The following IL1A variants were observed in gnomAD, a reference collection of about 807,000 sequenced individuals.
IL1A encodes the protein interleukin 1 alpha, also known as interleukin-1 alpha.
IL1A carries 16 observed loss-of-function variants against 22.2 expected under a neutral mutation model. That is an observed-to-expected ratio of 0.72 (90% CI 0.49 to 1.09). The LOEUF (loss-of-function observed/expected upper bound fraction) is 1.09. Among genes scored for constraint, IL1A ranks in the 50% least tolerant of loss-of-function variants. IL1A has a pLI of 0.00. For missense variants in IL1A, 317 were observed against 321.8 expected, an observed-to-expected ratio of 0.99 and a Z score of 0.11; for synonymous variants, 113 against 118.5, an observed-to-expected ratio of 0.95 and a Z score of 0.30.
Position 112,778,006 on chromosome 2 carries a change from T to C in IL1A, c.596A>G (p.Asp199Gly), listed in dbSNP as rs757413314. 3 of 1,614,176 alleles carry C rather than the reference T, an allele frequency of 1.9e-6. No individual in the cohort carries two copies. The highest frequency in any genetic ancestry group is 1.3e-5 in the African/African-American group (1 of 75,042). Residue 199 changes from aspartate (D) to glycine (G), a missense_variant, in exon 6 of 7, where the codon GAC (aspartate) becomes GGC (glycine). Asp to Gly is a moderately conservative substitution (Grantham distance 94, BLOSUM62 -1). Transcript: ENST00000263339. Reference protein sequence around the residue: ...TQLYVTAQDEDQPVLLKEMPE... With the variant: ...TQLYVTAQDEGQPVLLKEMPE... ...ACTGACCTTCAGCAGCACTGGTTGGTCTTCATCTTGGGCAGTCACATACAA... is the reference window on the plus strand; with the variant it reads ...ACTGACCTTCAGCAGCACTGGTTGGCCTTCATCTTGGGCAGTCACATACAA...
At position 112,779,491 on chromosome 2, in the gene IL1A, T is replaced by C; in HGVS notation, c.490+5A>G. 1.3e-6 allele frequency: 2 copies of C among 1,557,668 alleles called. No individual in the cohort carries two copies. The highest frequency in any genetic ancestry group is 1.8e-6 in the Non-Finnish European group (2 of 1,138,434). On this transcript the variant is annotated splice_donor_5th_base_variant and intron_variant, in intron 5 of 6. Transcript: ENST00000263339. The stretch of plus-strand genomic sequence containing the variant: ...ACAGAAATGTCTGGTGCCATTTTAA[T>C]GTACCTGCTTCATCCAGATTATGTA...
intron 3 of IL1A, 146 bp from the exon 4 acceptor site, chr2:112,781,972 T>G (rs1681216414): frequency 3.2e-6 from 2 of 616,380 alleles, no homozygotes. Flanking sequence ...CTTCCCTCCC[T>G]CTCTCCCTTT....
chr2:112,777,850 A>G, intron 6 of IL1A, 137 bp downstream of exon 6: 1 of 777,862 alleles, frequency 1.3e-6, no homozygotes. Context: ...AATCAATGGG[A>G]GTGGGGTGGG....
intron 4 of IL1A, among the ~76,000 whole-genome samples, chr2:112,781,303 T>C (rs1681193394): frequency 6.6e-6 from 1 of 152,288 alleles, no homozygotes; most frequent in African/African-American, 2.4e-5. Flanking sequence ...ATAGTTAGTA[T>C]GAGAGGAACA....
At chr2:112,781,864 T>G in intron 3 of IL1A, 38 bp from the exon 4 acceptor site, 1 of 1,462,528 alleles carries the variant, frequency 6.8e-7, no homozygotes, top group Non-Finnish European at 9.6e-7. Flanking sequence ...AGGCTGTTCA[T>G]GGTCAGGGAA....
intron 6 of IL1A, among the ~76,000 whole-genome samples, chr2:112,777,532 G>A (rs1681120050): frequency 1.3e-5 from 2 of 152,198 alleles, no homozygotes; most frequent in South Asian, 2.1e-4. Flanking sequence ...AGAGAGAGGG[G>A]AACTGGAAGC....
chr2:112,781,452 G>T, intron 4 of IL1A, 152 bp downstream of exon 4: 1 of 657,656 alleles, frequency 1.5e-6, no homozygotes, highest in Non-Finnish European at 2.7e-6. Flanking sequence ...CCTGGAGAAG[G>T]ATAAAAATTA....
chr2:112,782,428 G>A (rs535695519), intron 3 of IL1A, among the ~76,000 whole-genome samples: 21 of 152,184 alleles, frequency 1.4e-4, no homozygotes, highest in African/African-American at 2.2e-4. Context: ...AGCGGCCTGC[G>A]GGGCCTTTCT....
At chr2:112,777,492 TG>T (rs1211575042) in intron 6 of IL1A, among the ~76,000 whole-genome samples, 2 of 152,156 alleles carry the variant, frequency 1.3e-5, no homozygotes, top group Non-Finnish European at 2.9e-5. Flanking sequence ...GAGACAGGAC[TG>T]GGACGAAGGA....
At chr2:112,776,254 G>T (rs1422450672) in intron 6 of IL1A, among the ~76,000 whole-genome samples, 1 of 152,134 alleles carries the variant, frequency 6.6e-6, no homozygotes, top group Non-Finnish European at 1.5e-5. Context: ...CCATTAATGG[G>T]TTTTCATTGT....
intron 3 of IL1A, among the ~76,000 whole-genome samples, chr2:112,782,086 T>A (rs1473253825): frequency 6.6e-6 from 1 of 152,234 alleles, no homozygotes; most frequent in African/African-American, 2.4e-5. Flanking sequence ...ACTAAATAGG[T>A]TAACAATGAT....
At chr2:112,777,589 C>T (rs994352850) in intron 6 of IL1A, among the ~76,000 whole-genome samples, 21 of 152,054 alleles carry the variant, frequency 1.4e-4, no homozygotes, top group African/African-American at 4.8e-4. Flanking sequence ...TGCTTTGTGC[C>T]CATTGGCAGG....
intron 6 of IL1A, among the ~76,000 whole-genome samples, chr2:112,776,095 T>C (rs1351410614): frequency 1.3e-5 from 2 of 152,196 alleles, no homozygotes; most frequent in Admixed American, 6.5e-5. Flanking sequence ...CAATTCTGTC[T>C]GTTTCTTTCC....
At chr2:112,783,987 A>G (rs1681258778) in intron 1 of IL1A, among the ~76,000 whole-genome samples, 1 of 152,232 alleles carries the variant, frequency 6.6e-6, no homozygotes, top group Non-Finnish European at 1.5e-5. Context: ...AGAATGTTTT[A>G]TTTATGTTGG....
At chr2:112,781,516 G>T in intron 4 of IL1A, 88 bp downstream of exon 4, 1 of 1,005,358 alleles carries the variant, frequency 9.9e-7, no homozygotes, top group Non-Finnish European at 1.6e-6. Context: ...TTGTTATTCT[G>T]ACTCCACGTT....
chr2:112,781,693 T>C lies in IL1A; in HGVS notation c.230A>G (p.Asn77Ser), dbSNP rs754540283. ...FKESMVVVAT[N>S]GKVLKKRRLS... Reference sequence around the variant, plus strand: ...CCGTCTCTTCTTCAGAACCTTCCCGTTGGTTGCTACTACCACCATGCTCTC... The same window carrying C: ...CCGTCTCTTCTTCAGAACCTTCCCGCTGGTTGCTACTACCACCATGCTCTC... The change falls in exon 4 of 7, where the codon AAC becomes AGC. Residue 77 changes from asparagine (N) to serine (S), a missense_variant. Transcript: ENST00000263339. The C allele has an allele frequency of 4.3e-6, 7 of 1,614,088 alleles. No individual in the cohort carries two copies. The African/African-American group carries it at 9.3e-5, about 22-fold the overall frequency.
At chr2:112,775,326 C>T in intron 6 of IL1A, 59 bp from the exon 7 acceptor site, 1 of 1,371,110 alleles carries the variant, frequency 7.3e-7, no homozygotes, top group Non-Finnish European at 1.0e-6. Flanking sequence ...AGGACTGAAG[C>T]TCAATCCCTT....
rs780982683 is a variant in IL1A at position 112,775,208 on chromosome 2, C to T, written c.675G>A (p.Trp225Ter). The change falls in exon 7 of 7, where the codon TGG (tryptophan) becomes TGA (stop). Residue 225 changes from tryptophan (W) to a stop codon, truncating the protein, a stop_gained. Coordinates refer to ENST00000263339, the MANE Select transcript of IL1A (RefSeq NM_000575.5). LOFTEE classifies it low-confidence loss of function (END_TRUNC). Reference protein sequence around the residue: ...TGSETNLLFFWETHGTKNYFT... With the variant: ...TGSETNLLFF ...AATAGTTCTTAGTGCCGTGAGTTTC[C>T]CAGAAGAAGAGGAGGTTGGTCTCAC... 3 of 1,614,134 alleles carry T rather than the reference C, an allele frequency of 1.9e-6. No homozygotes were observed. The South Asian group carries it at 3.3e-5, about 18-fold the overall frequency.
intron 4 of IL1A, among the ~76,000 whole-genome samples, chr2:112,781,255 T>C (rs1681192597): frequency 6.6e-6 from 1 of 152,044 alleles, no homozygotes; most frequent in African/African-American, 2.4e-5. Flanking sequence ...TAGAGGAAAC[T>C]GAATCACGAA....
Sources: gnomAD v4.1 joint callset for allele counts (sites outside exome capture counted in the v4.1 genomes callset) on GRCh38, gnomAD v4.1.1 for gene constraint, MANE v1.5 for transcripts, NCBI Gene and HGNC (gene_info 2026-07-23, HGNC 2026-07-21) for gene names.